MCPH1: variants seen among roughly 807,000 people sequenced by gnomAD.
MCPH1 encodes the protein microcephalin 1.
MCPH1 carries 104 observed loss-of-function variants against 84.5 expected under a neutral mutation model. That is an observed-to-expected ratio of 1.23 (90% CI 1.05 to 1.45). The LOEUF (loss-of-function observed/expected upper bound fraction) is 1.45. MCPH1 is among the 40% of genes most tolerant of loss of function. The pLI, the probability that MCPH1 is intolerant of heterozygous loss-of-function variation, is 0.00. For missense variants in MCPH1, 1,498 were observed against 1,005.7 expected (o/e 1.49, Z -6.62); for synonymous variants, 514 against 366.8 (o/e 1.40, Z -4.58).
chr8:6,430,250 C>T lies in MCPH1; in HGVS notation c.234-1249C>T, dbSNP rs577764054. Among the ~76,000 whole-genome samples, 3 of 152,270 alleles carry T rather than the reference C, an allele frequency of 2.0e-5. No homozygotes were observed. In the South Asian group the frequency reaches 6.2e-4, roughly 32 times the overall value. Reference sequence around the variant, plus strand: ...TCTTTTTTAAATTTGTACATTTTTGCAGATTTCTCTGATGCCTGGCTTAAT... The same window carrying T: ...TCTTTTTTAAATTTGTACATTTTTGTAGATTTCTCTGATGCCTGGCTTAAT... On this transcript the variant is annotated intron_variant, in intron 3 of 13. Coordinates refer to ENST00000344683, the MANE Select transcript of MCPH1 (RefSeq NM_024596.5).
At chr8:6,456,451 C>G (rs1805688525) in intron 9 of MCPH1, among the ~76,000 whole-genome samples, 3 of 152,280 alleles carry the variant, frequency 2.0e-5, no homozygotes, top group Admixed American at 2.0e-4. Flanking sequence ...GGCCGCTTGA[C>G]CTAGTTCATT....
intron 8 of MCPH1, among the ~76,000 whole-genome samples, chr8:6,447,826 G>C (rs1804624663): frequency 6.6e-6 from 1 of 152,152 alleles, no homozygotes; most frequent in Non-Finnish European, 1.5e-5. Context: ...TGGGATTACA[G>C]GCGTGAGCTA....
chr8:6,555,383 C>T (rs1824414718), intron 12 of MCPH1, among the ~76,000 whole-genome samples: 1 of 152,084 alleles, frequency 6.6e-6, no homozygotes, highest in Non-Finnish European at 1.5e-5. Context: ...AGGGCTGTAA[C>T]TAGATGTATG....
chr8:6,540,596 C>T (rs1002710454), intron 12 of MCPH1, among the ~76,000 whole-genome samples: 1 of 152,156 alleles, frequency 6.6e-6, no homozygotes, highest in African/African-American at 2.4e-5. Flanking sequence ...CGTTGTCAGG[C>T]CACGTCTGCA....
intron 3 of MCPH1, among the ~76,000 whole-genome samples, chr8:6,428,721 T>G (rs1195356823): frequency 1.3e-5 from 2 of 151,926 alleles, no homozygotes; most frequent in Admixed American, 1.3e-4. Flanking sequence ...GGAATCATGT[T>G]CCATTGTATG....
intron 12 of MCPH1, among the ~76,000 whole-genome samples, chr8:6,608,149 C>T (rs1829945896): frequency 6.6e-6 from 1 of 152,292 alleles, no homozygotes; most frequent in South Asian, 2.1e-4. Flanking sequence ...ACAGAGCTGA[C>T]TCACGTGCGA....
chr8:6,473,585 C>A (rs1168890233), intron 9 of MCPH1, among the ~76,000 whole-genome samples: 1 of 152,128 alleles, frequency 6.6e-6, no homozygotes, highest in African/African-American at 2.4e-5. Flanking sequence ...CCCACCTCAG[C>A]CTCCCAAAGG....
intron 12 of MCPH1, among the ~76,000 whole-genome samples, chr8:6,600,081 A>G (rs1231170737): frequency 6.6e-6 from 1 of 152,274 alleles, no homozygotes; most frequent in Non-Finnish European, 1.5e-5. Context: ...CATGCTAAAT[A>G]AAAGTTACAG....
chr8:6,492,609 A>G (rs1005918498), intron 11 of MCPH1, among the ~76,000 whole-genome samples: 2 of 150,162 alleles, frequency 1.3e-5, no homozygotes, highest in African/African-American at 4.9e-5. Context: ...GCATATTTCT[A>G]TGCTATTCAT....
chr8:6,521,856 C>A (rs1339480845), intron 12 of MCPH1, among the ~76,000 whole-genome samples: 1 of 152,126 alleles, frequency 6.6e-6, no homozygotes, highest in Non-Finnish European at 1.5e-5. Flanking sequence ...AATATTAATC[C>A]TAATGATAAT....
At chr8:6,411,353 GAAAT>G (rs1041275912) in intron 2 of MCPH1, among the ~76,000 whole-genome samples, 1 of 152,126 alleles carries the variant, frequency 6.6e-6, no homozygotes, top group Non-Finnish European at 1.5e-5. Context: ...CAGCTATATA[GAAAT>G]AAATAAATAA....
At chr8:6,429,343 A>G (rs892737377) in intron 3 of MCPH1, among the ~76,000 whole-genome samples, 14 of 152,008 alleles carry the variant, frequency 9.2e-5, no homozygotes, top group Admixed American at 5.2e-4. Flanking sequence ...GGCACAGGCA[A>G]GGAGAGAAGG....
intron 11 of MCPH1, among the ~76,000 whole-genome samples, chr8:6,491,804 A>T (rs947669973): frequency 6.6e-6 from 1 of 152,032 alleles, no homozygotes; most frequent in Non-Finnish European, 1.5e-5. Flanking sequence ...AAGGACATGA[A>T]CTCATCATAT....
At chr8:6,511,829 G>A (rs2916755) in intron 12 of MCPH1, among the ~76,000 whole-genome samples, 53,289 of 151,424 alleles carry the variant, frequency 0.35, 9,643 homozygotes, top group Middle Eastern at 0.48. Flanking sequence ...TAATGTCAGC[G>A]TACAAGGGTA....
chr8:6,476,190 AG>A (rs1350424805), intron 9 of MCPH1, among the ~76,000 whole-genome samples: 7 of 152,094 alleles, frequency 4.6e-5, no homozygotes, highest in Non-Finnish European at 1.0e-4. Flanking sequence ...GCACTTTGGG[AG>A]GCCGAGGTGG....
intron 11 of MCPH1, among the ~76,000 whole-genome samples, chr8:6,497,291 A>AC (rs1372109176): frequency 2.0e-5 from 3 of 151,200 alleles, no homozygotes; most frequent in Non-Finnish European, 4.4e-5. Context: ...GACCAGCCTG[A>AC]CCAACACTGT....
intron 12 of MCPH1, among the ~76,000 whole-genome samples, chr8:6,524,742 C>A (rs948602980): frequency 1.3e-5 from 2 of 152,136 alleles, no homozygotes; most frequent in Admixed American, 1.3e-4. Flanking sequence ...GAATGTCTCC[C>A]TTGAGGAAAA....
chr8:6,526,913 C>A (rs1035591191), intron 12 of MCPH1, among the ~76,000 whole-genome samples: 2 of 151,964 alleles, frequency 1.3e-5, no homozygotes, highest in African/African-American at 4.8e-5. Context: ...TGAGATTTTT[C>A]TATATTTTAT....
At chr8:6,513,446 C>T (rs896112951) in intron 12 of MCPH1, among the ~76,000 whole-genome samples, 9 of 151,796 alleles carry the variant, frequency 5.9e-5, no homozygotes, top group Non-Finnish European at 1.3e-4. Context: ...CATTCTTCTG[C>T]CTCAGCCTCC....
Sources: gnomAD v4.1 joint callset for allele counts (sites outside exome capture counted in the v4.1 genomes callset) on GRCh38, gnomAD v4.1.1 for gene constraint, MANE v1.5 for transcripts, NCBI Gene and HGNC (gene_info 2026-07-23, HGNC 2026-07-21) for gene names.